The following SLC6A8 variants were observed in gnomAD, a reference collection of about 807,000 sequenced individuals.
The protein encoded by SLC6A8 is solute carrier family 6 member 8, also known as sodium- and chloride-dependent creatine transporter 1.
Under a neutral mutation model 48.3 loss-of-function variants are expected in SLC6A8, and 6 were observed. The observed-to-expected ratio is 0.12, with a 90% confidence interval of 0.07 to 0.25. SLC6A8 has a LOEUF of 0.25. SLC6A8 is among the 10% of genes least tolerant of loss of function. SLC6A8 has a pLI of 1.00. For missense variants in SLC6A8, 260 were observed against 551.5 expected, an observed-to-expected ratio of 0.47 and a Z score of 5.29; for synonymous variants, 245 against 244.0, an observed-to-expected ratio of 1.00 and a Z score of -0.04.
At chrX:153,692,534 G>A (rs1356259235) in intron 4 of SLC6A8, 1 of 338,101 alleles carries the variant, frequency 3.0e-6, no homozygotes, top group Non-Finnish European at 5.7e-6. Context: ...AGCTCCCTGG[G>A]GGACAAGGTC....
At chrX:153,693,784 C>A in intron 7 of SLC6A8, 121 bp from the exon 8 acceptor site, 1 of 802,608 alleles carries the variant, frequency 1.2e-6, no homozygotes, top group Non-Finnish European at 1.8e-6. Context: ...CCGCACGACC[C>A]AGGGTTGACA....
intron 2 of SLC6A8, 60 bp from the exon 3 acceptor site, chrX:153,691,244 G>A: frequency 8.7e-7 from 1 of 1,146,877 alleles, no homozygotes; most frequent in Non-Finnish European, 1.2e-6. Flanking sequence ...GGGACATAAA[G>A]GGGTGGCAGG....
chrX:153,693,796 C>A, intron 7 of SLC6A8, 109 bp from the exon 8 acceptor site: 2 of 814,153 alleles, frequency 2.5e-6, no homozygotes, highest in South Asian at 4.4e-5. Flanking sequence ...GGGTTGACAG[C>A]GCCTCTGAGG....
In SLC6A8 at chrX:153,694,232, C is replaced by T. The variant is rs2091474707; in HGVS notation, c.1357C>T (p.Leu453Phe). The T allele has an allele frequency of 8.3e-7, 1 of 1,211,446 alleles. No homozygotes were observed. Among genetic ancestry groups the T allele is most frequent in the Non-Finnish European group, 1.1e-6 (1 of 895,202 alleles). The change falls in exon 9 of 13, where the codon CTC (leucine) becomes TTC (phenylalanine). Residue 453 changes from leucine (L) to phenylalanine (F), a missense_variant. Transcript: ENST00000253122. ...REISVALCCALCFVIDLSMVT... is the reference protein window; with the variant it reads ...REISVALCCAFCFVIDLSMVT... ...GATCTCTGTGGCCCTCTGTTGTGCCCTCTGCTTTGTCATCGATCTCTCCAT... is the reference window on the plus strand; with the variant it reads ...GATCTCTGTGGCCCTCTGTTGTGCCTTCTGCTTTGTCATCGATCTCTCCAT...
At chrX:153,693,697 C>G in intron 7 of SLC6A8, 111 bp downstream of exon 7, 1 of 980,823 alleles carries the variant, frequency 1.0e-6, no homozygotes, top group Non-Finnish European at 1.4e-6. Context: ...TCAAACGGAA[C>G]TTGTCAGATT....
Position 153,690,394 on chromosome X carries a change from C to T in SLC6A8, c.282C>T (p.Tyr94=), listed in dbSNP as rs375818489. The change falls in exon 2 of 13, where the codon TAC becomes TAT. Residue 94 remains tyrosine (Y), a synonymous_variant. Coordinates refer to ENST00000253122, the MANE Select transcript of SLC6A8 (RefSeq NM_005629.4). ...KNGGGVFLIP[Y]VLIALVGGIP... The stretch of plus-strand genomic sequence containing the variant: ...CCCCAGGTGTGTTCCTTATTCCCTA[C>T]GTCCTGATCGCCCTGGTTGGAGGAA... 7.0e-5 allele frequency: 84 copies of T among 1,198,861 alleles called. No individual in the cohort carries two copies. The highest frequency in any genetic ancestry group is 2.3e-4 in the Middle Eastern group (1 of 4,355).
rs1224414946 is a variant in SLC6A8 at position 153,696,310 on chromosome X, G to A, written c.*1096G>A. 1.5e-5 allele frequency: 5 copies of A among 326,445 alleles called. No individual in the cohort carries two copies. The highest frequency in any genetic ancestry group is 4.5e-4 in the Middle Eastern group (1 of 2,232). The allele number at this position is 326,445 out of a possible 1,213,427, so 26.9% of individuals were successfully genotyped here. ...CTGCTCAGGCTTCCCACCCTGTGCG[G>A]GGCACACCCCCAGGAAGGGACCCTG... is the stretch of plus-strand genomic sequence containing the variant. On this transcript the variant is annotated 3_prime_UTR_variant, in exon 13 of 13. Coordinates refer to ENST00000253122, the MANE Select transcript of SLC6A8 (RefSeq NM_005629.4).
Position 153,695,294 on chromosome X carries a change from C to A in SLC6A8, c.*80C>A. The A allele has an allele frequency of 1.0e-6, 1 of 1,005,017 alleles. No homozygotes were observed. Among genetic ancestry groups the A allele is most frequent in the Non-Finnish European group, 1.4e-6 (1 of 725,848 alleles). The allele number at this position is 1,005,017 out of a possible 1,213,427, so 82.8% of individuals were successfully genotyped here. On this transcript the variant is annotated 3_prime_UTR_variant, in exon 13 of 13. Transcript: ENST00000253122. ...AGCCCCACCGCACCCCTCCAGGGGG[C>A]CTGCCTTTCCCTGACACTTTTGGGG... is the stretch of plus-strand genomic sequence containing the variant.
chrX:153,695,133 G>A lies in SLC6A8; in HGVS notation c.1827G>A (p.Gln609=), dbSNP rs782185667. Residue 609 remains glutamine (Q), a synonymous_variant, in exon 13 of 13, where the codon CAG becomes CAA. Coordinates refer to ENST00000253122, the MANE Select transcript of SLC6A8 (RefSeq NM_005629.4). ...TCCACCACTTGGAGTACCGAGCTCA[G>A]GACGCAGATGTCAGGGGCCTGACCA... ...WGLHHLEYRA[Q]DADVRGLTTL... 1.9e-5 allele frequency: 23 copies of A among 1,199,941 alleles called. No individual in the cohort carries two copies. The highest frequency in any genetic ancestry group is 2.6e-5 in the Non-Finnish European group (23 of 889,662).
At chrX:153,691,943 C>T (rs1249782515) in intron 3 of SLC6A8, 32 bp from the exon 4 acceptor site, 4 of 1,172,525 alleles carry the variant, frequency 3.4e-6, no homozygotes, top group Non-Finnish European at 4.6e-6. Context: ...TCTGCTGGCA[C>T]AGGCCTCATG....
In SLC6A8 at chrX:153,695,862, CTCTT is replaced by C. The variant is rs1346631216; in HGVS notation, c.*649_*652del. 1.6e-5 allele frequency: 2 copies of C among 125,734 alleles called. No individual in the cohort carries two copies. The highest frequency in any genetic ancestry group is 3.3e-5 in the Non-Finnish European group (2 of 61,190). The allele number at this position is 125,734 out of a possible 1,213,427, so 10.4% of individuals were successfully genotyped here. A position where few individuals can be genotyped will look rare whatever the true frequency, so the allele number is the denominator to read the frequency against. On this transcript the variant is annotated 3_prime_UTR_variant, in exon 13 of 13. Transcript: ENST00000253122. Reference sequence around the variant, plus strand: ...ACGGAGAGTATATATAGATCTCTATCTCTTAGCAAAGGTGAATGCCAGATGTAAA... The same window carrying C: ...ACGGAGAGTATATATAGATCTCTATCAGCAAAGGTGAATGCCAGATGTAAA...
At chrX:153,690,858 C>T (rs1312768210) in intron 2 of SLC6A8, 40 of 267,134 alleles carry the variant, frequency 1.5e-4, no homozygotes, top group South Asian at 1.5e-3. Flanking sequence ...ACTGCAGGGG[C>T]GACTGTCTCC....
rs782234529 is a variant in SLC6A8 at position 153,695,065 on chromosome X, C to G, written c.1768-9C>G. The G allele has an allele frequency of 1.4e-5, 17 of 1,197,991 alleles. No individual in the cohort carries two copies. In the East Asian group the frequency reaches 4.5e-4, roughly 32 times the overall value. ...CCTGGGGGCTTCAGCATGTCCTCCT[C>G]TCCTGCAGCGCTGGCAGCACCTGAC... On this transcript the variant is annotated splice_polypyrimidine_tract_variant and intron_variant, in intron 12 of 12. Coordinates refer to ENST00000253122, the MANE Select transcript of SLC6A8 (RefSeq NM_005629.4).
Position 153,694,281 on chromosome X carries a change from G to A in SLC6A8, c.1392+14G>A, listed in dbSNP as rs782763294. 4 of 1,211,232 alleles carry A rather than the reference G, an allele frequency of 3.3e-6. No homozygotes were observed. The East Asian group carries it at 8.9e-5, about 27-fold the overall frequency. ...ATGGTGACTGATGTGAGTGGGGTGGGGGGTCTGCCTGTGACCTCTGGTGGC... is the reference window on the plus strand; with the variant it reads ...ATGGTGACTGATGTGAGTGGGGTGGAGGGTCTGCCTGTGACCTCTGGTGGC... On this transcript the variant is annotated intron_variant, in intron 9 of 12. Coordinates refer to ENST00000253122, the MANE Select transcript of SLC6A8 (RefSeq NM_005629.4).
chrX:153,688,521 C>T lies in SLC6A8; in HGVS notation c.-54C>T. 2 of 601,645 alleles carry T rather than the reference C, an allele frequency of 3.3e-6. No homozygotes were observed. The highest frequency in any genetic ancestry group is 4.2e-6 in the Non-Finnish European group (2 of 480,578). The allele number at this position is 601,645 out of a possible 1,213,427, so 49.6% of individuals were successfully genotyped here. A position where few individuals can be genotyped will look rare whatever the true frequency, so the allele number is the denominator to read the frequency against. On this transcript the variant is annotated 5_prime_UTR_variant, in exon 1 of 13. Transcript: ENST00000253122. ...GCCGCCGGTGCCCCCCGCCTGACCGCCGCCCCCCGTGAGGCGCCGCGACCC... is the reference window on the plus strand; with the variant it reads ...GCCGCCGGTGCCCCCCGCCTGACCGTCGCCCCCCGTGAGGCGCCGCGACCC...
In SLC6A8 at chrX:153,690,891, A is replaced by G. The variant is rs1384705211; in HGVS notation, c.394+385A>G. 8 of 157,199 alleles carry G rather than the reference A, an allele frequency of 5.1e-5. No homozygotes were observed. The African/African-American group carries it at 5.7e-4, about 11-fold the overall frequency. 13.0% of individuals were successfully genotyped at this position (157,199 alleles called of 1,213,427 possible). A position where few individuals can be genotyped will look rare whatever the true frequency, so the allele number is the denominator to read the frequency against. On this transcript the variant is annotated intron_variant, in intron 2 of 12. Coordinates refer to ENST00000253122, the MANE Select transcript of SLC6A8 (RefSeq NM_005629.4). ...TCCAACACTACCTCAGGCGACTAGA[A>G]ACCCCCCCCCCCCACCACCACCATC...
In SLC6A8 at chrX:153,688,346, G is replaced by T; in HGVS notation, c.-229G>T. On this transcript the variant is annotated 5_prime_UTR_variant, in exon 1 of 13. Transcript: ENST00000253122. ...GCCCCCGGGCCCCCGACACACATGA[G>T]ATTCTTCAGGCTCACTTTCAAGTGC... 1 of 97,944 alleles carries T rather than the reference G, an allele frequency of 1.0e-5. No individual in the cohort carries two copies. Among genetic ancestry groups the T allele is most frequent in the East Asian group, 3.4e-4 (1 of 2,984 alleles). 8.1% of individuals were successfully genotyped at this position (97,944 alleles called of 1,213,427 possible). A position where few individuals can be genotyped will look rare whatever the true frequency, so the allele number is the denominator to read the frequency against.
chrX:153,692,644 CCT>C (rs1557044759), intron 4 of SLC6A8: 1 of 345,271 alleles, frequency 2.9e-6, no homozygotes, highest in Admixed American at 3.1e-5. Context: ...TCAACCCCCA[CCT>C]CTCTCCAGAA....
In SLC6A8 at chrX:153,688,769, C is replaced by T; in HGVS notation, c.195C>T (p.Cys65=). ...GCCAGATGGACTTCATCATGTCGTG[C>T]GTGGGCTTCGCCGTGGGCTTGGGCA... ...WTRQMDFIMS[C]VGFAVGLGNV... Residue 65 remains cysteine (C), a synonymous_variant, in exon 1 of 13, where the codon TGC becomes TGT. Transcript: ENST00000253122. 8.8e-7 allele frequency: 1 copy of T among 1,137,506 alleles called. No individual in the cohort carries two copies. Among genetic ancestry groups the T allele is most frequent in the Non-Finnish European group, 1.2e-6 (1 of 855,663 alleles). 93.7% of individuals were successfully genotyped at this position (1,137,506 alleles called of 1,213,427 possible). A position where few individuals can be genotyped will look rare whatever the true frequency, so the allele number is the denominator to read the frequency against.
Sources: gnomAD v4.1 joint callset for allele counts on GRCh38, gnomAD v4.1.1 for gene constraint, MANE v1.5 for transcripts, NCBI Gene and HGNC (gene_info 2026-07-23, HGNC 2026-07-21) for gene names.